Variants in CENPP observed in about 807,000 individuals in gnomAD.
The protein encoded by CENPP is centromere protein P.
A neutral mutation model predicts 35.6 loss-of-function variants in CENPP; 24 were observed. The ratio of observed to expected loss-of-function variants is 0.67; its 90% CI spans 0.49 to 0.95. The LOEUF (loss-of-function observed/expected upper bound fraction) is 0.95, where lower values mean the gene tolerates loss of function less well. Ranked by LOEUF, CENPP falls within the 40% of genes least tolerant of loss-of-function variation. The probability of loss-of-function intolerance (pLI) is 0.00; values close to 1 mark genes in which losing one functional copy is unlikely to be tolerated. For synonymous variants in CENPP, 120 were observed against 125.5 expected, an observed-to-expected ratio of 0.96 and a Z score of 0.29; for missense variants, 332 against 345.3, an observed-to-expected ratio of 0.96 and a Z score of 0.31.
intron 5 of CENPP, chr9:92,385,737 G>A: frequency 6.2e-7 from 1 of 1,614,092 alleles, no homozygotes; most frequent in Non-Finnish European, 8.5e-7. Flanking sequence ...GGATGTAACT[G>A]GTGTCATTAG....
At chr9:92,517,330 T>G in intron 5 of CENPP, 1 of 372,838 alleles carries the variant, frequency 2.7e-6, no homozygotes. Context: ...TTGCACTGGA[T>G]TAAGTGGGAT....
At chr9:92,439,088 A>G (rs963318563) in intron 5 of CENPP, among the ~76,000 whole-genome samples, 2 of 152,212 alleles carry the variant, frequency 1.3e-5, no homozygotes, top group South Asian at 2.1e-4. Context: ...TTTTTTGCAT[A>G]TGAAGCACAA....
chr9:92,552,190 T>TACACACAC lies in CENPP; in HGVS notation c.565-59105_565-59098dup, dbSNP rs59704602. On this transcript the variant is annotated intron_variant, in intron 5 of 7. Coordinates refer to ENST00000375587, the MANE Select transcript of CENPP (RefSeq NM_001012267.3). ...TATGTGATATGATAGATCTATCATATACACACACACACACACACACACACA... is the reference window on the plus strand; with the variant it reads ...TATGTGATATGATAGATCTATCATATACACACACACACACACACACACACACACACACA... Among the ~76,000 whole-genome samples, 280 of 106,170 alleles carry TACACACAC rather than the reference T, an allele frequency of 2.6e-3. 5 individuals are homozygous for TACACACAC. The highest frequency in any genetic ancestry group is 5.3e-3 in the Middle Eastern group (1 of 190). The allele number at this position is 106,170 out of a possible 152,430, so 69.7% of individuals were successfully genotyped here.
intron 5 of CENPP, among the ~76,000 whole-genome samples, chr9:92,521,499 C>T (rs143664030): frequency 6.4e-4 from 97 of 152,126 alleles, no homozygotes; most frequent in African/African-American, 2.2e-3. Flanking sequence ...AAATAATTAA[C>T]GAAGAAGCAT....
chr9:92,517,660 A>T, intron 5 of CENPP: 1 of 1,613,494 alleles, frequency 6.2e-7, no homozygotes, highest in Non-Finnish European at 8.5e-7. Context: ...TCACACACTG[A>T]TATTTTGCTT....
At chr9:92,515,309 T>C in intron 5 of CENPP, 2 of 1,295,670 alleles carry the variant, frequency 1.5e-6, no homozygotes, top group South Asian at 5.5e-5. Context: ...CTCCAAGTAT[T>C]TGAGTGCAAT....
At position 92,612,525 on chromosome 9, in the gene CENPP, T is replaced by C. The variant is rs759046889; in HGVS notation, c.647T>C (p.Phe216Ser). 1.2e-6 allele frequency: 2 copies of C among 1,612,472 alleles called. No individual in the cohort carries two copies. Among genetic ancestry groups the C allele is most frequent in the Non-Finnish European group, 1.7e-6 (2 of 1,178,518 alleles). Residue 216 changes from phenylalanine (F) to serine (S), a missense_variant and splice_region_variant, in exon 7 of 8, where the codon TTT becomes TCT. Phe to Ser is a radical substitution (Grantham distance 155). Coordinates refer to ENST00000375587, the MANE Select transcript of CENPP (RefSeq NM_001012267.3). ...GACATGTTTTACTGCTTTTTCAGGTTTGAATTAGTCATTGTTTGGAGGATA... is the reference window on the plus strand; with the variant it reads ...GACATGTTTTACTGCTTTTTCAGGTCTGAATTAGTCATTGTTTGGAGGATA... ...MGIRSASRPG[F>S]ELVIVWRIQI...
chr9:92,472,740 TTGA>T (rs1242917250), intron 5 of CENPP, among the ~76,000 whole-genome samples: 1 of 152,180 alleles, frequency 6.6e-6, no homozygotes. Context: ...GGGGGGTAAC[TTGA>T]TGAATTAGCA....
chr9:92,424,612 C>G (rs1441026444), intron 5 of CENPP, among the ~76,000 whole-genome samples: 1 of 152,144 alleles, frequency 6.6e-6, no homozygotes, highest in Non-Finnish European at 1.5e-5. Context: ...AAGAATTCTT[C>G]AAATTAAGGC....
At chr9:92,507,100 A>G (rs1847053727) in intron 5 of CENPP, among the ~76,000 whole-genome samples, 1 of 152,032 alleles carries the variant, frequency 6.6e-6, no homozygotes, top group Non-Finnish European at 1.5e-5. Flanking sequence ...TGCACCCTGG[A>G]CAACAACGTC....
intron 5 of CENPP, among the ~76,000 whole-genome samples, chr9:92,504,543 T>C (rs752593530): frequency 6.6e-6 from 1 of 151,800 alleles, no homozygotes; most frequent in Non-Finnish European, 1.5e-5. Flanking sequence ...CAGGGTGGGG[T>C]GTGGTTTGTA....
chr9:92,460,223 A>G (rs1281372135), intron 5 of CENPP, among the ~76,000 whole-genome samples: 2 of 151,772 alleles, frequency 1.3e-5, no homozygotes. Context: ...TTTAGTAGAG[A>G]TGGGGTTTTA....
At chr9:92,372,177 C>T (rs1343322418) in intron 4 of CENPP, among the ~76,000 whole-genome samples, 1 of 132,308 alleles carries the variant, frequency 7.6e-6, no homozygotes, top group Non-Finnish European at 1.6e-5. Context: ...TAAGTATAGC[C>T]ACCACTTGCT....
intron 5 of CENPP, among the ~76,000 whole-genome samples, chr9:92,389,211 C>A (rs1842566519): frequency 6.6e-6 from 1 of 152,148 alleles, no homozygotes. Flanking sequence ...TATGGAAATC[C>A]TGGACTAAAG....
At chr9:92,545,223 C>T (rs1259861494) in intron 5 of CENPP, among the ~76,000 whole-genome samples, 2 of 151,886 alleles carry the variant, frequency 1.3e-5, no homozygotes, top group Non-Finnish European at 2.9e-5. Context: ...CCGGCTCGGA[C>T]CTGGGATGGC....
intron 5 of CENPP, among the ~76,000 whole-genome samples, chr9:92,523,483 A>T (rs1420256681): frequency 6.6e-6 from 1 of 152,176 alleles, no homozygotes; most frequent in Non-Finnish European, 1.5e-5. Flanking sequence ...ACAGGTTAAG[A>T]GTTCATAAAG....
intron 5 of CENPP, among the ~76,000 whole-genome samples, chr9:92,564,041 TGTG>T (rs1849906743): frequency 6.6e-6 from 1 of 152,154 alleles, no homozygotes; most frequent in African/African-American, 2.4e-5. Flanking sequence ...CTGATTGTAA[TGTG>T]GTGTATGAAG....
At chr9:92,550,350 C>T (rs1849562065) in intron 5 of CENPP, among the ~76,000 whole-genome samples, 1 of 150,900 alleles carries the variant, frequency 6.6e-6, no homozygotes, top group East Asian at 1.9e-4. Context: ...GAGCCGAGAT[C>T]GTGCCATTGC....
intron 5 of CENPP, among the ~76,000 whole-genome samples, chr9:92,510,396 A>C (rs1463723437): frequency 6.6e-6 from 1 of 152,386 alleles, no homozygotes; most frequent in African/African-American, 2.4e-5. Context: ...GAAATCATGC[A>C]GTAATCTGAA....
Sources: gnomAD v4.1 joint callset for allele counts (sites outside exome capture counted in the v4.1 genomes callset) on GRCh38, gnomAD v4.1.1 for gene constraint, MANE v1.5 for transcripts, NCBI Gene and HGNC (gene_info 2026-07-23, HGNC 2026-07-21) for gene names.